ZSCAN5A: variants seen among roughly 807,000 people sequenced by gnomAD.
The protein encoded by ZSCAN5A is zinc finger and SCAN domain containing 5A, also known as zinc finger and SCAN domain-containing protein 5A.
ZSCAN5A carries 12 observed loss-of-function variants against 23.7 expected under a neutral mutation model. That is an observed-to-expected ratio of 0.51 (90% CI 0.32 to 0.82). The LOEUF (loss-of-function observed/expected upper bound fraction) is 0.82. Ranked by LOEUF, ZSCAN5A falls within the 40% of genes least tolerant of loss-of-function variation. The probability of loss-of-function intolerance (pLI) is 0.03; values close to 1 mark genes in which losing one functional copy is unlikely to be tolerated. For synonymous variants in ZSCAN5A, 257 were observed against 239.9 expected (o/e 1.07, Z -0.66); for missense variants, 597 against 617.9 (o/e 0.97, Z 0.36).
chr19:56,366,542 C>G (rs1301292786), intron 1 of ZSCAN5A, among the ~76,000 whole-genome samples: 2 of 152,058 alleles, frequency 1.3e-5, no homozygotes. Context: ...CAAACCCAAA[C>G]CCAACTCAGT....
Position 56,355,762 on chromosome 19 carries a change from T to C in ZSCAN5A, c.-358+7473A>G, listed in dbSNP as rs1293370138. 1.3e-5 allele frequency among the ~76,000 whole-genome samples: 2 copies of C among 148,864 alleles called. 1 individual carries two copies. The highest frequency in any genetic ancestry group is 3.0e-5 in the Non-Finnish European group (2 of 67,324). ...CCTTCCATGTATTTGTTCCTGATTA[T>C]TTATTAACTTAGAATATGCATCCAT... On this transcript the variant is annotated intron_variant, in intron 2 of 6. Coordinates refer to the ZSCAN5A transcript ENST00000587340.
chr19:56,337,384 T>TGTGTGGGATATAATCTCCTG (rs1338877532), intron 2 of ZSCAN5A, among the ~76,000 whole-genome samples: 1 of 152,236 alleles, frequency 6.6e-6, no homozygotes, highest in Non-Finnish European at 1.5e-5. Flanking sequence ...CTCCAAGCCA[T>TGTGTGGGATATAATCTCCTG]GTGTGGGATA....
At chr19:56,243,273 C>T (rs922277522) in intron 2 of ZSCAN5A, among the ~76,000 whole-genome samples, 2 of 152,156 alleles carry the variant, frequency 1.3e-5, no homozygotes, top group African/African-American at 4.8e-5. Flanking sequence ...GCTGATGAGA[C>T]AATTCTGGAG....
intron 2 of ZSCAN5A, among the ~76,000 whole-genome samples, chr19:56,242,062 G>A (rs1183855083): frequency 1.3e-5 from 2 of 152,138 alleles, no homozygotes; most frequent in Admixed American, 1.3e-4. Flanking sequence ...GCCCCGGAGC[G>A]GGATTGCCGG....
At chr19:56,350,655 G>A (rs1429942971) in intron 2 of ZSCAN5A, among the ~76,000 whole-genome samples, 1 of 152,020 alleles carries the variant, frequency 6.6e-6, no homozygotes, top group African/African-American at 2.4e-5. Flanking sequence ...TCTAGTGGAG[G>A]CAAGCCAGTA....
intron 2 of ZSCAN5A, among the ~76,000 whole-genome samples, chr19:56,309,064 T>C (rs1027873510): frequency 1.3e-5 from 2 of 152,302 alleles, no homozygotes; most frequent in East Asian, 3.9e-4. Flanking sequence ...CAACAACTGA[T>C]GAAAGGATAA....
At chr19:56,334,996 A>T (rs1347188146) in intron 2 of ZSCAN5A, among the ~76,000 whole-genome samples, 1 of 152,176 alleles carries the variant, frequency 6.6e-6, no homozygotes, top group African/African-American at 2.4e-5. Context: ...AACAAACTTC[A>T]CTGAGCTAAA....
chr19:56,304,684 C>T (rs1017411642), intron 2 of ZSCAN5A: 18 of 579,696 alleles, frequency 3.1e-5, no homozygotes, highest in East Asian at 2.9e-4. Context: ...AGGGGGAGGA[C>T]GGGAAAGAAG....
At chr19:56,343,146 C>A in intron 2 of ZSCAN5A, 2 of 727,832 alleles carry the variant, frequency 2.7e-6, no homozygotes, top group South Asian at 1.5e-5. Flanking sequence ...CTAAAATGGT[C>A]CTTTATTTCA....
At chr19:56,358,894 A>G (rs2159553) in intron 2 of ZSCAN5A, among the ~76,000 whole-genome samples, 55,647 of 152,100 alleles carry the variant, frequency 0.37, 11,427 homozygotes, top group East Asian at 0.65. Context: ...AAGAGACAAC[A>G]TACCAGACTC....
At chr19:56,273,139 T>C (rs909488506) in intron 2 of ZSCAN5A, among the ~76,000 whole-genome samples, 3 of 152,222 alleles carry the variant, frequency 2.0e-5, no homozygotes, top group African/African-American at 7.2e-5. Flanking sequence ...TCCTGGTTTC[T>C]ATCACTGATT....
chr19:56,340,511 C>T (rs2041583870), intron 2 of ZSCAN5A, among the ~76,000 whole-genome samples: 1 of 152,190 alleles, frequency 6.6e-6, no homozygotes, highest in Non-Finnish European at 1.5e-5. Flanking sequence ...GAAAGGAATA[C>T]TAATGATAAT....
At chr19:56,303,849 G>A (rs1344726574) in intron 2 of ZSCAN5A, among the ~76,000 whole-genome samples, 2 of 152,100 alleles carry the variant, frequency 1.3e-5, no homozygotes, top group African/African-American at 4.8e-5. Flanking sequence ...ACAGTGGAAG[G>A]ATCTTGCCTT....
chr19:56,232,302 T>C (rs2034540126), intron 2 of ZSCAN5A, among the ~76,000 whole-genome samples: 1 of 152,158 alleles, frequency 6.6e-6, no homozygotes, highest in Admixed American at 6.5e-5. Flanking sequence ...TAGAATTTTA[T>C]ATTGATAGAC....
At chr19:56,350,739 C>T (rs1057452277) in intron 2 of ZSCAN5A, among the ~76,000 whole-genome samples, 7 of 152,068 alleles carry the variant, frequency 4.6e-5, no homozygotes, top group Non-Finnish European at 8.8e-5. Context: ...CCCCCACTAA[C>T]GGTGGTAATT....
At chr19:56,227,564 C>T (rs1225891564) in intron 2 of ZSCAN5A, among the ~76,000 whole-genome samples, 1 of 152,044 alleles carries the variant, frequency 6.6e-6, no homozygotes. Flanking sequence ...GTTCATTCCC[C>T]GTTAAAGTAA....
At chr19:56,308,094 C>T (rs565623147) in intron 2 of ZSCAN5A, among the ~76,000 whole-genome samples, 2 of 152,370 alleles carry the variant, frequency 1.3e-5, no homozygotes, top group South Asian at 2.1e-4. Flanking sequence ...AGCGCAGTGG[C>T]GCAATCTTGG....
intron 2 of ZSCAN5A, among the ~76,000 whole-genome samples, chr19:56,250,984 A>G (rs2036294605): frequency 1.3e-5 from 2 of 152,100 alleles, no homozygotes; most frequent in African/African-American, 4.8e-5. Flanking sequence ...TCCTGTCTCT[A>G]CTAAAAATAC....
intron 2 of ZSCAN5A, among the ~76,000 whole-genome samples, chr19:56,258,325 A>T (rs1254900592): frequency 2.6e-5 from 4 of 151,884 alleles, no homozygotes; most frequent in African/African-American, 7.3e-5. Flanking sequence ...TCGTGTGGGC[A>T]CAAGGGACAC....
Sources: gnomAD v4.1 joint callset for allele counts (sites outside exome capture counted in the v4.1 genomes callset) on GRCh38, gnomAD v4.1.1 for gene constraint, MANE v1.5 for transcripts, NCBI Gene and HGNC (gene_info 2026-07-23, HGNC 2026-07-21) for gene names.